STARD9: variants seen among roughly 807,000 people sequenced by gnomAD.
The protein encoded by STARD9 is StAR related lipid transfer domain containing 9.
In STARD9, 346 loss-of-function variants were observed where a neutral mutation model predicts 399.8. That is an observed-to-expected ratio of 0.87 (90% CI 0.79 to 0.95). The LOEUF (loss-of-function observed/expected upper bound fraction) is 0.95, where lower values mean the gene tolerates loss of function less well. STARD9 is among the 40% of genes least tolerant of loss of function. The pLI is 0.00. For synonymous variants in STARD9, 2,203 were observed against 2,143.5 expected, an observed-to-expected ratio of 1.03 and a Z score of -0.77; for missense variants, 5,832 against 5,667.5, an observed-to-expected ratio of 1.03 and a Z score of -0.93.
chr15:42,710,890 G>GCTCTCTCT (rs34768575), intron 26 of STARD9, among the ~76,000 whole-genome samples: 2 of 133,796 alleles, frequency 1.5e-5, no homozygotes, highest in South Asian at 2.6e-4. Flanking sequence ...TCACTTGTGC[G>GCTCTCTCT]CTCTCTCTCT....
At chr15:42,583,646 G>A (rs183267728) in intron 2 of STARD9, among the ~76,000 whole-genome samples, 3 of 152,294 alleles carry the variant, frequency 2.0e-5, no homozygotes, top group Admixed American at 6.5e-5. Context: ...GGGTGCATCT[G>A]TTTTGGAAAT....
chr15:42,677,674 G>A (rs2060338670), intron 20 of STARD9, among the ~76,000 whole-genome samples: 1 of 152,198 alleles, frequency 6.6e-6, no homozygotes, highest in South Asian at 2.1e-4. Context: ...TGGCTGTACT[G>A]CAGAAAAGCT....
chr15:42,716,495 C>T (rs950096047), intron 26 of STARD9, among the ~76,000 whole-genome samples, 182 bp from the exon 27 acceptor site: 1 of 152,186 alleles, frequency 6.6e-6, no homozygotes, highest in Non-Finnish European at 1.5e-5. Flanking sequence ...CAGAGATCGT[C>T]TAGATACCTA....
intron 3 of STARD9, among the ~76,000 whole-genome samples, chr15:42,633,032 G>A (rs933557789): frequency 8.6e-5 from 13 of 151,534 alleles, no homozygotes; most frequent in African/African-American, 3.2e-4. Flanking sequence ...AGTTCCAGCT[G>A]CTGGGGGGCC....
chr15:42,694,596 G>A lies in STARD9; in HGVS notation c.12833G>A (p.Arg4278Gln), dbSNP rs2060798833. Residue 4278 changes from arginine (R) to glutamine (Q), a missense_variant, in exon 24 of 33, where the codon CGA becomes CAA. Arg to Gln is a conservative substitution (Grantham distance 43). Transcript: ENST00000290607. ...AERLGNFCRT[R>Q]SLSPQKQLSL... ...CGACTTGGGAACTTCTGCCGGACGC[G>A]AAGCCTTAGCCCTCAGAAACAACTG... 4 of 1,537,204 alleles carry A rather than the reference G, an allele frequency of 2.6e-6. No homozygotes were observed. Among genetic ancestry groups the A allele is most frequent in the East Asian group, 2.4e-5 (1 of 40,904 alleles).
chr15:42,712,094 T>A (rs1431945904), intron 26 of STARD9, among the ~76,000 whole-genome samples: 2 of 134 alleles, frequency 0.015, no homozygotes, highest in African/African-American at 0.071. Flanking sequence ...TATATATATA[T>A]ATAATATATA....
intron 20 of STARD9, among the ~76,000 whole-genome samples, chr15:42,677,824 C>T (rs1331677929): frequency 1.3e-5 from 2 of 152,204 alleles, no homozygotes; most frequent in African/African-American, 2.4e-5. Flanking sequence ...GCCCCTATTG[C>T]TGCCAGCAAG....
intron 3 of STARD9, among the ~76,000 whole-genome samples, chr15:42,587,785 G>A (rs978911522): frequency 7.2e-5 from 11 of 151,992 alleles, no homozygotes; most frequent in Admixed American, 7.2e-4. Flanking sequence ...GGCTGATCTC[G>A]AACTCCCGAC....
chr15:42,689,747 TCGTTCTTCAGCA>T lies in STARD9; in HGVS notation c.8171_8182del (p.Arg2724_Ala2727del). 6.5e-7 allele frequency: 1 copy of T among 1,537,810 alleles called. No individual in the cohort carries two copies. On this transcript the variant is annotated inframe_deletion, in exon 23 of 33. Transcript: ENST00000290607. ...CTGATCCTTTGGCCCCAGACAGTCC[TCGTTCTTCAGCA>T]CCTGTGGAGGAGGTCAGGAGGGTAG...
At chr15:42,704,607 T>C (rs1034062710) in intron 26 of STARD9, among the ~76,000 whole-genome samples, 3 of 152,188 alleles carry the variant, frequency 2.0e-5, no homozygotes, top group Admixed American at 6.6e-5. Flanking sequence ...CCTATGTAGC[T>C]GGGACTCTGT....
intron 3 of STARD9, among the ~76,000 whole-genome samples, chr15:42,588,975 C>A (rs1173071457): frequency 1.3e-5 from 2 of 151,450 alleles, no homozygotes; most frequent in African/African-American, 4.9e-5. Flanking sequence ...CCACCATGCT[C>A]AACTGATTTT....
chr15:42,593,418 T>C (rs1475886739), intron 3 of STARD9, among the ~76,000 whole-genome samples: 1 of 152,166 alleles, frequency 6.6e-6, no homozygotes, highest in African/African-American at 2.4e-5. Context: ...AAATGCAGAC[T>C]GAGTCAACAA....
intron 3 of STARD9, among the ~76,000 whole-genome samples, chr15:42,593,633 A>G (rs1208909101): frequency 2.1e-5 from 3 of 142,360 alleles, no homozygotes; most frequent in African/African-American, 5.1e-5. Flanking sequence ...AAAGTATTTT[A>G]GTAGTAATAT....
chr15:42,679,567 T>C (rs185948399), intron 20 of STARD9, among the ~76,000 whole-genome samples: 1 of 152,254 alleles, frequency 6.6e-6, no homozygotes, highest in African/African-American at 2.4e-5. Context: ...CACCTATCAC[T>C]CTTCACCCAT....
rs2060598300 is a variant in STARD9, at chr15:42,687,807, A to G, written c.6229A>G (p.Thr2077Ala). 1.3e-6 allele frequency: 2 copies of G among 1,537,390 alleles called. No homozygotes were observed. The highest frequency in any genetic ancestry group is 1.4e-5 in the African/African-American group (1 of 73,056). Residue 2077 changes from threonine to alanine, a missense_variant, in exon 23 of 33, where the codon ACA (threonine) becomes GCA (alanine). By Grantham distance (58) the Thr-to-Ala change is moderately conservative. Transcript: ENST00000290607. ...KQNKQVHASH[T>A]PGTDKELVFQ... Reference sequence around the variant, plus strand: ...GAATAAGCAGGTTCATGCTTCCCACACACCAGGAACCGATAAGGAGTTGGT... The same window carrying G: ...GAATAAGCAGGTTCATGCTTCCCACGCACCAGGAACCGATAAGGAGTTGGT...
intron 9 of STARD9, among the ~76,000 whole-genome samples, 171 bp downstream of exon 9, chr15:42,652,763 C>T (rs903178266): frequency 6.6e-6 from 1 of 152,132 alleles, no homozygotes; most frequent in African/African-American, 2.4e-5. Flanking sequence ...TGAACCTCTG[C>T]CTCCCAGGCT....
chr15:42,667,718 A>G (rs1036868171), intron 15 of STARD9, among the ~76,000 whole-genome samples: 5 of 151,788 alleles, frequency 3.3e-5, no homozygotes, highest in African/African-American at 1.2e-4. Flanking sequence ...ATCTCAGGTG[A>G]TCCGCTTACC....
Position 42,684,602 on chromosome 15 carries a change from T to C in STARD9, c.3024T>C (p.Asn1008=). ...THKAAKGASC[N]SLYPHGPRQT... The stretch of plus-strand genomic sequence containing the variant: ...AGGCTGCTAAGGGAGCCAGTTGCAA[T>C]TCCTTGTATCCTCATGGACCCAGGC... Residue 1008 remains asparagine, a synonymous_variant, in exon 23 of 33, where the codon AAT becomes AAC. Transcript: ENST00000290607. 2.0e-6 allele frequency: 3 copies of C among 1,537,190 alleles called. No individual in the cohort carries two copies. The highest frequency in any genetic ancestry group is 2.6e-6 in the Non-Finnish European group (3 of 1,146,892).
intron 3 of STARD9, among the ~76,000 whole-genome samples, chr15:42,586,208 T>C (rs1301462903): frequency 6.6e-6 from 1 of 152,236 alleles, no homozygotes; most frequent in African/African-American, 2.4e-5. Flanking sequence ...AAGGGAATTA[T>C]AGAGGTTAGT....
Sources: gnomAD v4.1 joint callset for allele counts (sites outside exome capture counted in the v4.1 genomes callset) on GRCh38, gnomAD v4.1.1 for gene constraint, MANE v1.5 for transcripts, NCBI Gene and HGNC (gene_info 2026-07-23, HGNC 2026-07-21) for gene names.